TCP1: variants seen among roughly 807,000 people sequenced by gnomAD.
TCP1 encodes the protein t-complex 1.
TCP1 carries 6 observed loss-of-function variants against 54.7 expected under a neutral mutation model. The observed-to-expected ratio is 0.11, with a 90% CI of 0.06 to 0.22. TCP1 has a LOEUF of 0.22. Among genes scored for constraint, TCP1 ranks in the 10% least tolerant of loss-of-function variants. TCP1 has a pLI of 1.00. For missense variants in TCP1, 511 were observed against 678.2 expected (o/e 0.75, Z 2.74); for synonymous variants, 225 against 229.7 (o/e 0.98, Z 0.19).
At chr6:159,789,344 G>T in intron 1 of TCP1, 61 bp downstream of exon 1, 1 of 1,598,472 alleles carries the variant, frequency 6.3e-7, no homozygotes, top group Non-Finnish European at 8.6e-7. Flanking sequence ...CCGGGGTCCG[G>T]TCGCGGTGGG....
Position 159,786,008 on chromosome 6 carries a change from A to G in TCP1, c.280-11T>C, listed in dbSNP as rs1410208658. The G allele has an allele frequency of 6.2e-6, 10 of 1,606,830 alleles. No individual in the cohort carries two copies. Among genetic ancestry groups the G allele is most frequent in the Non-Finnish European group, 8.5e-6 (10 of 1,173,898 alleles). ...TGCTGCAATAATAACCTGTTGAGAA[A>G]ACATTCACTGGTCTGAGTGTGCCGG... On this transcript the variant is annotated splice_polypyrimidine_tract_variant and intron_variant, in intron 3 of 11. Transcript: ENST00000321394.
At position 159,780,954 on chromosome 6, in the gene TCP1, G is replaced by A. The variant is rs1465405305; in HGVS notation, c.954C>T (p.Arg318=). ...ACATACCTCCAGAAGCTTTGGCAAT[G>A]CGTTTAAGGTCCCTTTTTAAAACTC... is the stretch of plus-strand genomic sequence containing the variant. ...VRRVLKRDLK[R]IAKASGATIL... is the part of the protein sequence containing the mutation. The change falls in exon 8 of 12, where the codon CGC becomes CGT. Residue 318 remains arginine (R), a synonymous_variant. Transcript: ENST00000321394. The A allele has an allele frequency of 1.2e-6, 2 of 1,605,384 alleles. No individual in the cohort carries two copies. The highest frequency in any genetic ancestry group is 1.7e-5 in the Admixed American group (1 of 57,576).
chr6:159,782,736 G>A (rs963621405), intron 7 of TCP1, among the ~76,000 whole-genome samples: 1 of 152,080 alleles, frequency 6.6e-6, no homozygotes, highest in African/African-American at 2.4e-5. Context: ...TTGGAGCTTA[G>A]AGAAACAGCT....
intron 3 of TCP1, among the ~76,000 whole-genome samples, chr6:159,787,060 T>C (rs892272178): frequency 8.2e-6 from 1 of 122,108 alleles, no homozygotes; most frequent in African/African-American, 3.2e-5. Context: ...CTGGGCAACA[T>C]AGCGAGACCC....
rs1780797589 is a variant in TCP1, at chr6:159,789,461, C to A, written c.8G>T (p.Gly3Val). The change falls in exon 1 of 12, where the codon GGG becomes GTG. Residue 3 changes from glycine to valine, a missense_variant. Transcript: ENST00000321394. Reference sequence around the variant, plus strand: ...GCGGTCACCGAACACGGACAAAGGCCCCTCCATCTTGACGGCAGCGATACA... The same window carrying A: ...GCGGTCACCGAACACGGACAAAGGCACCTCCATCTTGACGGCAGCGATACA... The part of the protein sequence containing the change: ME[G>V]PLSVFGDRST... 5 of 1,613,930 alleles carry A rather than the reference C, an allele frequency of 3.1e-6. No homozygotes were observed. Among genetic ancestry groups the A allele is most frequent in the Non-Finnish European group, 4.2e-6 (5 of 1,179,864 alleles).
chr6:159,780,076 C>G lies in TCP1; in HGVS notation c.1109G>C (p.Arg370Pro), dbSNP rs772550765. 8.7e-6 allele frequency: 14 copies of G among 1,613,882 alleles called. No individual in the cohort carries two copies. Among genetic ancestry groups the G allele is most frequent in the Non-Finnish European group, 1.2e-5 (14 of 1,180,020 alleles). ...ACGTAAGATAATCGATGCAGACGTA[C>G]GAGCCTTAGTACTGTTCAAAACAAA... Reference protein sequence around the residue: ...ELILIKNTKARTSASIILRGA... With the variant: ...ELILIKNTKAPTSASIILRGA... Residue 370 changes from arginine (R) to proline (P), a missense_variant, in exon 10 of 12, where the codon CGT becomes CCT. Physicochemically the swap from Arg to Pro is moderately radical, Grantham distance 103. This residue lies in a region of TCP1 where 305 missense variants were observed against 352.8 expected (regional missense o/e 0.86). Coordinates refer to ENST00000321394, the MANE Select transcript of TCP1 (RefSeq NM_030752.3).
At position 159,780,447 on chromosome 6, in the gene TCP1, T is replaced by C; in HGVS notation, c.1093A>G (p.Lys365Glu). 4 of 1,613,780 alleles carry C rather than the reference T, an allele frequency of 2.5e-6. No homozygotes were observed. The highest frequency in any genetic ancestry group is 3.4e-6 in the Non-Finnish European group (4 of 1,179,816). Residue 365 changes from lysine (K) to glutamate (E), a missense_variant, in exon 9 of 12, where the codon AAA becomes GAA. Lys to Glu is a moderately conservative substitution (Grantham distance 56). Around this residue, in one of 5 missense-constraint regions of TCP1, gnomAD observed 305 missense variants for 352.8 expected, o/e 0.86. Transcript: ENST00000321394. The stretch of plus-strand genomic sequence containing the variant: ...ATTTTAGAAAGTGGCTCTTACTTTT[T>C]GATTAAGATCAGCTCATCATCACAA... Reference protein sequence around the residue: ...RICDDELILIKNTKARTSASI... With the variant: ...RICDDELILIENTKARTSASI...
intron 5 of TCP1, 27 bp from the exon 6 acceptor site, chr6:159,784,874 A>G (rs1044400670): frequency 6.2e-7 from 1 of 1,613,424 alleles, no homozygotes; most frequent in Non-Finnish European, 8.5e-7. Flanking sequence ...GGACAGTAAC[A>G]GGTTTGGAAT....
In TCP1 at chr6:159,779,757, C is replaced by A. The variant is rs761561456; in HGVS notation, c.1324G>T (p.Ala442Ser). The change falls in exon 11 of 12, where the codon GCA (alanine) becomes TCA (serine). Residue 442 changes from alanine (A) to serine (S), a missense_variant. By Grantham distance (99) the Ala-to-Ser change is moderately conservative (BLOSUM62 1). Coordinates refer to ENST00000321394, the MANE Select transcript of TCP1 (RefSeq NM_030752.3). ...SREQLAIAEF[A>S]RSLLVIPNTL... is the part of the protein sequence containing the mutation. Reference sequence around the variant, plus strand: ...TTGGGAATAACAAGAAGTGATCTTGCAAACTCTGCAATCGCAAGCTGTTCC... The same window carrying A: ...TTGGGAATAACAAGAAGTGATCTTGAAAACTCTGCAATCGCAAGCTGTTCC... The A allele has an allele frequency of 6.2e-7, 1 of 1,609,426 alleles. No homozygotes were observed. Among genetic ancestry groups the A allele is most frequent in the Non-Finnish European group, 8.5e-7 (1 of 1,178,786 alleles).
chr6:159,787,287 G>A (rs1238636365), intron 3 of TCP1, among the ~76,000 whole-genome samples: 1 of 151,950 alleles, frequency 6.6e-6, no homozygotes, highest in Admixed American at 6.6e-5. Flanking sequence ...CCCCCAGATT[G>A]GTAACATTTT....
chr6:159,786,890 TG>T (rs2114997372), intron 3 of TCP1, among the ~76,000 whole-genome samples: 1 of 152,186 alleles, frequency 6.6e-6, no homozygotes, highest in Admixed American at 6.5e-5. Context: ...TGTCATATCA[TG>T]ATGTATTTAT....
At chr6:159,779,576 T>A in intron 11 of TCP1, 51 bp downstream of exon 11, 2 of 1,541,522 alleles carry the variant, frequency 1.3e-6, no homozygotes, top group African/African-American at 2.8e-5. Flanking sequence ...CTATCCTTTT[T>A]AATGCAACCT....
At position 159,778,869 on chromosome 6, in the gene TCP1, TAATAAAGTAC is replaced by T; in HGVS notation, c.*166_*175del. 6.2e-7 allele frequency: 1 copy of T among 1,612,572 alleles called. No individual in the cohort carries two copies. The highest frequency in any genetic ancestry group is 8.5e-7 in the Non-Finnish European group (1 of 1,178,842). On this transcript the variant is annotated 3_prime_UTR_variant, in exon 12 of 12. Coordinates refer to ENST00000321394, the MANE Select transcript of TCP1 (RefSeq NM_030752.3). ...GAACAACCTCAATTTCTTTTTAAAC[TAATAAAGTAC>T]TAGGTTGCAATATGTGAAATCAGAG...
At chr6:159,782,449 A>T (rs1780599081) in intron 7 of TCP1, among the ~76,000 whole-genome samples, 1 of 152,230 alleles carries the variant, frequency 6.6e-6, no homozygotes, top group East Asian at 1.9e-4. Context: ...CTAAGAGACT[A>T]GCTTGGGTGT....
chr6:159,788,195 T>C, intron 1 of TCP1, 52 bp from the exon 2 acceptor site: 1 of 1,541,316 alleles, frequency 6.5e-7, no homozygotes, highest in Non-Finnish European at 8.9e-7. Context: ...GCCACAACTC[T>C]GAAAGACAGT....
Position 159,779,908 on chromosome 6 carries a change from T to G in TCP1, c.1277A>C (p.Tyr426Ser), listed in dbSNP as rs771065656. 6.2e-7 allele frequency: 1 copy of G among 1,614,088 alleles called. No individual in the cohort carries two copies. The highest frequency in any genetic ancestry group is 8.5e-7 in the Non-Finnish European group (1 of 1,180,018). The change falls in exon 10 of 12, where the codon TAT becomes TCT. Residue 426 changes from tyrosine to serine, a missense_variant. Transcript: ENST00000321394. The part of the protein sequence containing the change: ...EAALSIYLEN[Y>S]ATSMGSREQL... ...GACTGTTCTTACCATGCTGGTTGCA[T>G]AGTTTTCAAGGTATATGGAAAGGGC...
chr6:159,784,854 C>A lies in TCP1; in HGVS notation c.489-7G>T. ...AGCAAAGAAATCACCATTTCTACGC[C>A]AAAAGTTAAGGACAGTAACAGGTTT... is the stretch of plus-strand genomic sequence containing the variant. On this transcript the variant is annotated splice_region_variant and splice_polypyrimidine_tract_variant and intron_variant, in intron 5 of 11. Coordinates refer to ENST00000321394, the MANE Select transcript of TCP1 (RefSeq NM_030752.3). The A allele has an allele frequency of 6.2e-7, 1 of 1,614,062 alleles. No homozygotes were observed. The highest frequency in any genetic ancestry group is 8.5e-7 in the Non-Finnish European group (1 of 1,179,996).
chr6:159,780,860 T>C, intron 8 of TCP1, 75 bp downstream of exon 8: 1 of 1,477,506 alleles, frequency 6.8e-7, no homozygotes, highest in East Asian at 2.3e-5. Flanking sequence ...TCTGTCAATA[T>C]TCCAATGTAA....
At chr6:159,785,015 A>C in intron 5 of TCP1, 168 bp from the exon 6 acceptor site, 2 of 705,902 alleles carry the variant, frequency 2.8e-6, no homozygotes, top group Middle Eastern at 2.3e-4. Context: ...TGCAATTCAT[A>C]TCACTTTTAG....
Sources: gnomAD v4.1 joint callset for allele counts (sites outside exome capture counted in the v4.1 genomes callset) on GRCh38, gnomAD v4.1.1 for gene constraint, gnomAD v4.1.1 regional missense constraint, MANE v1.5 for transcripts, NCBI Gene and HGNC (gene_info 2026-07-23, HGNC 2026-07-21) for gene names.